BRWD1: variants seen among roughly 807,000 people sequenced by gnomAD.
BRWD1 encodes bromodomain and WD repeat domain containing 1, also known as bromodomain and WD repeat-containing protein 1.
BRWD1 carries 82 observed loss-of-function variants against 251.2 expected under a neutral mutation model. That is an observed-to-expected ratio of 0.33 (90% confidence interval 0.27 to 0.39). The LOEUF (loss-of-function observed/expected upper bound fraction) is 0.39, where lower values mean the gene tolerates loss of function less well. BRWD1 is among the 10% of genes least tolerant of loss of function. The probability of loss-of-function intolerance (pLI) is 1.00; values close to 1 mark genes in which losing one functional copy is unlikely to be tolerated. For missense variants in BRWD1, 2,233 were observed against 2,711.6 expected (o/e 0.82, Z 3.92); for synonymous variants, 918 against 902.8 (o/e 1.02, Z -0.30).
intron 27 of BRWD1, among the ~76,000 whole-genome samples, chr21:39,226,706 T>C (rs749880187): frequency 6.6e-6 from 1 of 152,256 alleles, no homozygotes; most frequent in African/African-American, 2.4e-5. Context: ...TCTTGATTAC[T>C]TGTGTAGATG....
intron 22 of BRWD1, among the ~76,000 whole-genome samples, 191 bp downstream of exon 22, chr21:39,238,285 CAAA>C (rs58179212): frequency 3.9e-4 from 48 of 122,324 alleles, no homozygotes; most frequent in Non-Finnish European, 3.6e-4. Flanking sequence ...TGCTTAAAGT[CAAA>C]AAAAAAAAAA....
intron 1 of BRWD1, among the ~76,000 whole-genome samples, chr21:39,320,138 G>A (rs2036733750): frequency 6.6e-6 from 1 of 152,148 alleles, no homozygotes; most frequent in Non-Finnish European, 1.5e-5. Context: ...GATTCATCTG[G>A]TAAGAGGCCT....
intron 15 of BRWD1, among the ~76,000 whole-genome samples, chr21:39,267,803 A>G (rs2146663531): frequency 6.6e-6 from 1 of 152,334 alleles, no homozygotes; most frequent in East Asian, 1.9e-4. Flanking sequence ...CCACTTAAGT[A>G]CTCAACAATA....
chr21:39,263,238 A>C (rs917574225), intron 17 of BRWD1, among the ~76,000 whole-genome samples: 9 of 152,218 alleles, frequency 5.9e-5, no homozygotes, highest in Non-Finnish European at 1.3e-4. Context: ...TTAGGTTTTT[A>C]CTTTATATAT....
At chr21:39,317,968 T>A (rs900423554), upstream of BRWD1, among the ~76,000 whole-genome samples, 1 of 152,156 alleles carries the variant, frequency 6.6e-6, no homozygotes, top group African/African-American at 2.4e-5. Flanking sequence ...GGAGATCACT[T>A]GAGCCCAGGA....
intron 19 of BRWD1, among the ~76,000 whole-genome samples, chr21:39,255,137 G>A (rs536713172): frequency 6.4e-4 from 97 of 152,276 alleles, no homozygotes; most frequent in African/African-American, 2.1e-3. Context: ...GGAGCCGGGC[G>A]TGGTGGCTCA....
At chr21:39,198,262 T>C (rs1302069372) in intron 40 of BRWD1, among the ~76,000 whole-genome samples, 1 of 152,226 alleles carries the variant, frequency 6.6e-6, no homozygotes, top group East Asian at 1.9e-4. Context: ...TGCTAGTACC[T>C]ACTTCATAAA....
rs563717569 is a variant in BRWD1, at chr21:39,232,887, C to T, written c.2767-389G>A. Among the ~76,000 whole-genome samples, 20 of 152,194 alleles carry T rather than the reference C, an allele frequency of 1.3e-4. 1 individual carries two copies. In the East Asian group the frequency reaches 1.5e-3, roughly 12 times the overall value. ...TCCTCTTGATTTTAGGTTGTAAGAC[C>T]GGTGATTTCAAAATATGCCTACAAA... On this transcript the variant is annotated intron_variant, in intron 23 of 40. Coordinates refer to ENST00000342449, the MANE Select transcript of BRWD1 (RefSeq NM_033656.4).
chr21:39,308,730 T>A (rs1416567411), intron 4 of BRWD1, among the ~76,000 whole-genome samples: 2 of 151,988 alleles, frequency 1.3e-5, no homozygotes, highest in Admixed American at 1.3e-4. Flanking sequence ...CATCTGAAGA[T>A]GAAAACCACT....
chr21:39,232,182 G>C lies in BRWD1; in HGVS notation c.2995C>G (p.Leu999Val). ...PNKEPWRKMDLRDQELVKIVG... is the reference protein window; with the variant it reads ...PNKEPWRKMDVRDQELVKIVG... ...TAATAATGCCATCATCCTACCCTAA[G>C]ATCCATTTTTCTCCATGGCTCCTTA... The change falls in exon 25 of 41, where the codon CTT (leucine) becomes GTT (valine). Residue 999 changes from leucine to valine, a missense_variant. By Grantham distance (32) the Leu-to-Val change is conservative. This residue lies in a region of BRWD1 where 139 missense variants were observed against 272.8 expected (regional missense o/e 0.51). Transcript: ENST00000342449. The C allele has an allele frequency of 6.3e-7, 1 of 1,599,016 alleles. No homozygotes were observed. The highest frequency in any genetic ancestry group is 8.6e-7 in the Non-Finnish European group (1 of 1,167,490).
chr21:39,265,473 C>A (rs538263938), intron 15 of BRWD1, among the ~76,000 whole-genome samples: 2 of 144,460 alleles, frequency 1.4e-5, no homozygotes, highest in Non-Finnish European at 3.1e-5. Context: ...GCATATACAT[C>A]AATCACTATT....
In BRWD1 at chr21:39,187,472, T is replaced by C. The variant is rs1011999927; in HGVS notation, c.*8787A>G. On this transcript the variant is annotated 3_prime_UTR_variant, in exon 41 of 41. Transcript: ENST00000342449. Reference sequence around the variant, plus strand: ...GCAAAAATCTTGTAACACAAGATTTTACTACTGCTAACATTCCTCAACAAC... The same window carrying C: ...GCAAAAATCTTGTAACACAAGATTTCACTACTGCTAACATTCCTCAACAAC... 2 of 1,504,968 alleles carry C rather than the reference T, an allele frequency of 1.3e-6. No individual in the cohort carries two copies. The highest frequency in any genetic ancestry group is 1.8e-6 in the Non-Finnish European group (2 of 1,131,082). 93.2% of individuals were successfully genotyped at this position (1,504,968 alleles called of 1,614,324 possible).
upstream of BRWD1, chr21:39,317,154 C>A (rs2036707263): frequency 6.6e-6 from 1 of 152,324 alleles, no homozygotes; most frequent in East Asian, 1.9e-4. Flanking sequence ...AAAAGAAATA[C>A]ACTGTCCAGG....
At chr21:39,302,149 A>G (rs2036139787) in intron 4 of BRWD1, among the ~76,000 whole-genome samples, 2 of 151,814 alleles carry the variant, frequency 1.3e-5, no homozygotes, top group South Asian at 4.2e-4. Flanking sequence ...ACACCCAGCT[A>G]ATTTTTGTAT....
intron 1 of BRWD1, among the ~76,000 whole-genome samples, chr21:39,320,667 CTTTTTTTTT>C (rs35218849): frequency 3.0e-5 from 3 of 99,172 alleles, no homozygotes. Flanking sequence ...AGAGTCATAT[CTTTTTTTTT>C]TTTTTTTTTT....
At chr21:39,270,056 A>G (rs1431519022) in intron 14 of BRWD1, 23 bp from the exon 15 acceptor site, 1 of 1,533,536 alleles carries the variant, frequency 6.5e-7, no homozygotes, top group Admixed American at 2.1e-5. Context: ...AAGTCATAAC[A>G]TTAAGGAGGG....
intron 8 of BRWD1, among the ~76,000 whole-genome samples, chr21:39,288,029 A>T (rs1486974714): frequency 2.0e-5 from 3 of 152,226 alleles, no homozygotes; most frequent in Admixed American, 2.0e-4. Flanking sequence ...CAGTGTCTCA[A>T]GGCTGAGAGA....
At chr21:39,299,812 T>TAA (rs34769388) in intron 4 of BRWD1, among the ~76,000 whole-genome samples, 1 of 144,806 alleles carries the variant, frequency 6.9e-6, no homozygotes, top group Non-Finnish European at 1.5e-5. Flanking sequence ...CCATCTCTAC[T>TAA]AAAAAAAAAA....
intron 4 of BRWD1, among the ~76,000 whole-genome samples, chr21:39,305,197 G>A (rs1390184958): frequency 1.3e-5 from 2 of 152,050 alleles, no homozygotes; most frequent in Admixed American, 1.3e-4. Context: ...GACCTCAAGT[G>A]ATCTGCCCGC....
Sources: allele counts gnomAD v4.1 joint callset (sites outside exome capture counted in the v4.1 genomes callset), GRCh38; gene constraint gnomAD v4.1.1; regional missense constraint gnomAD v4.1.1; transcripts MANE v1.5; gene names NCBI Gene and HGNC (gene_info 2026-07-23, HGNC 2026-07-21).